Variants in CPNE8 observed in about 807,000 individuals in gnomAD.
CPNE8 encodes the protein copine 8, also known as copine-8.
CPNE8 carries 45 observed loss-of-function variants against 81.5 expected under a neutral mutation model. That is an observed-to-expected ratio of 0.55 (90% CI 0.44 to 0.71). The LOEUF (loss-of-function observed/expected upper bound fraction) is 0.71. Among genes scored for constraint, CPNE8 ranks in the 30% least tolerant of loss-of-function variants. CPNE8 has a pLI of 0.00. For missense variants in CPNE8, 594 were observed against 672.1 expected (o/e 0.88, Z 1.28); for synonymous variants, 252 against 226.3 (o/e 1.11, Z -1.02).
chr12:38,765,437 T>C (rs1218426391), intron 8 of CPNE8, among the ~76,000 whole-genome samples: 2 of 152,006 alleles, frequency 1.3e-5, no homozygotes, highest in African/African-American at 4.8e-5. Flanking sequence ...AGCAAGAACA[T>C]GAGTATAAGA....
At chr12:38,885,408 C>A (rs538312859) in intron 1 of CPNE8, among the ~76,000 whole-genome samples, 1 of 151,906 alleles carries the variant, frequency 6.6e-6, no homozygotes, top group African/African-American at 2.4e-5. Context: ...CAATGACATG[C>A]AAATAAAATA....
intron 19 of CPNE8, among the ~76,000 whole-genome samples, chr12:38,669,654 C>T (rs1311805963): frequency 6.6e-5 from 10 of 152,166 alleles, no homozygotes; most frequent in Admixed American, 6.6e-4. Context: ...CTTCTGACTA[C>T]AAGCAGCCAC....
At chr12:38,738,606 T>A (rs1353757857) in intron 10 of CPNE8, among the ~76,000 whole-genome samples, 2 of 152,192 alleles carry the variant, frequency 1.3e-5, no homozygotes, top group East Asian at 3.9e-4. Flanking sequence ...GACAGTGTAC[T>A]GTAATCCTTG....
intron 4 of CPNE8, among the ~76,000 whole-genome samples, chr12:38,844,158 A>G (rs1356039887): frequency 2.0e-5 from 3 of 152,198 alleles, no homozygotes; most frequent in Non-Finnish European, 4.4e-5. Context: ...GATTATTACC[A>G]TTTTATTTAT....
At chr12:38,883,556 A>G (rs1405807262) in intron 1 of CPNE8, among the ~76,000 whole-genome samples, 1 of 152,186 alleles carries the variant, frequency 6.6e-6, no homozygotes, top group African/African-American at 2.4e-5. Context: ...ATAGTCAATA[A>G]TTCTCCTGGG....
intron 4 of CPNE8, among the ~76,000 whole-genome samples, chr12:38,843,817 T>G (rs1040596455): frequency 6.6e-6 from 1 of 152,136 alleles, no homozygotes; most frequent in South Asian, 2.1e-4. Context: ...CCTACCTTTT[T>G]GCATTCCCAC....
chr12:38,751,836 A>T (rs1364585241), intron 10 of CPNE8, among the ~76,000 whole-genome samples: 2 of 152,156 alleles, frequency 1.3e-5, no homozygotes, highest in Admixed American at 1.3e-4. Context: ...GTCCCTTATA[A>T]CATCACTTTT....
At chr12:38,807,156 C>G (rs1045958506) in intron 6 of CPNE8, among the ~76,000 whole-genome samples, 1 of 151,606 alleles carries the variant, frequency 6.6e-6, no homozygotes, top group Non-Finnish European at 1.5e-5. Context: ...GAATCAATAT[C>G]GTGAAAATGG....
chr12:38,767,458 A>G (rs1479663594), intron 8 of CPNE8, among the ~76,000 whole-genome samples, 177 bp downstream of exon 8: 1 of 152,144 alleles, frequency 6.6e-6, no homozygotes, highest in Non-Finnish European at 1.5e-5. Context: ...GTATCAGACA[A>G]AACATAAAAT....
chr12:38,758,642 A>C (rs1565600798), intron 10 of CPNE8, among the ~76,000 whole-genome samples: 1 of 152,200 alleles, frequency 6.6e-6, no homozygotes, highest in Non-Finnish European at 1.5e-5. Context: ...TGTGAAAGGT[A>C]ACTAATGTAG....
At chr12:38,714,961 G>A (rs1356808769) in intron 13 of CPNE8, among the ~76,000 whole-genome samples, 1 of 152,022 alleles carries the variant, frequency 6.6e-6, no homozygotes, top group Non-Finnish European at 1.5e-5. Flanking sequence ...ATATTAAAAG[G>A]CTATGAAAAC....
intron 6 of CPNE8, among the ~76,000 whole-genome samples, chr12:38,782,024 AGT>A (rs1942063992): frequency 6.6e-6 from 1 of 152,130 alleles, no homozygotes; most frequent in South Asian, 2.1e-4. Flanking sequence ...GTGAAAAATG[AGT>A]GAAATTCAAG....
At chr12:38,883,371 ACT>A (rs1464152832) in intron 1 of CPNE8, among the ~76,000 whole-genome samples, 2 of 152,214 alleles carry the variant, frequency 1.3e-5, no homozygotes, top group Non-Finnish European at 2.9e-5. Flanking sequence ...CATTTCAGAG[ACT>A]CTACAGAGAA....
chr12:38,893,166 T>C (rs577708065), intron 1 of CPNE8, among the ~76,000 whole-genome samples: 1 of 152,336 alleles, frequency 6.6e-6, no homozygotes, highest in East Asian at 1.9e-4. Flanking sequence ...ATGTTAACAC[T>C]GTCAGAGGTG....
rs561682863 is a variant in CPNE8, at chr12:38,799,721, A to G, written c.408-23420T>C. On this transcript the variant is annotated intron_variant, in intron 6 of 19. Transcript: ENST00000331366. ...GCGTGAGCGACGCAGAAGACGGGTGATTTCTGCATTTCCATCTGAGGTACC... is the reference window on the plus strand; with the variant it reads ...GCGTGAGCGACGCAGAAGACGGGTGGTTTCTGCATTTCCATCTGAGGTACC... Among the ~76,000 whole-genome samples, 1,027 of 149,782 alleles carry G rather than the reference A, an allele frequency of 6.9e-3. 19 individuals carry two copies. Among genetic ancestry groups the G allele is most frequent in the African/African-American group, 0.023 (952 of 41,162 alleles).
intron 17 of CPNE8, 74 bp from the exon 18 acceptor site, chr12:38,675,848 G>T: frequency 1.0e-6 from 1 of 962,794 alleles, no homozygotes; most frequent in South Asian, 1.4e-5. Flanking sequence ...GGCCAGGCAT[G>T]ATATCTCACT....
intron 6 of CPNE8, among the ~76,000 whole-genome samples, chr12:38,809,155 A>C (rs1039135884): frequency 6.6e-6 from 1 of 152,230 alleles, no homozygotes; most frequent in Admixed American, 6.5e-5. Flanking sequence ...AAATAATGCT[A>C]TCTCACAGTT....
intron 10 of CPNE8, among the ~76,000 whole-genome samples, chr12:38,760,470 G>C (rs2136848168): frequency 1.3e-5 from 1 of 76,814 alleles, no homozygotes; most frequent in South Asian, 4.4e-4. Flanking sequence ...TATATAGGCA[G>C]AGTTGGCTGG....
intron 3 of CPNE8, among the ~76,000 whole-genome samples, chr12:38,861,651 T>A (rs1314317844): frequency 6.6e-6 from 1 of 152,048 alleles, no homozygotes; most frequent in Non-Finnish European, 1.5e-5. Flanking sequence ...AAATGCTTTA[T>A]GACAGAATAA....
Sources: allele counts gnomAD v4.1 joint callset (sites outside exome capture counted in the v4.1 genomes callset), GRCh38; gene constraint gnomAD v4.1.1; transcripts MANE v1.5; gene names NCBI Gene and HGNC (gene_info 2026-07-23, HGNC 2026-07-21).